HTT: variants seen among roughly 807,000 people sequenced by gnomAD.
HTT encodes huntington disease protein.
Under a neutral mutation model 362.3 loss-of-function variants are expected in HTT, and 104 were observed. The ratio of observed to expected loss-of-function variants is 0.29; its 90% CI spans 0.24 to 0.34. HTT has a LOEUF of 0.34. Ranked by LOEUF, HTT falls within the 10% of genes least tolerant of loss-of-function variation. HTT has a pLI of 1.00. For synonymous variants in HTT, 1,577 were observed against 1,548.7 expected, an observed-to-expected ratio of 1.02 and a Z score of -0.43; for missense variants, 3,301 against 3,928.6, an observed-to-expected ratio of 0.84 and a Z score of 4.27.
intron 48 of HTT, 138 bp downstream of exon 48, chr4:3,212,280 C>A: frequency 1.4e-6 from 1 of 733,656 alleles, no homozygotes; most frequent in Non-Finnish European, 2.2e-6. Context: ...AAGAGCAGCA[C>A]GGGTGTCCTC....
At position 3,178,156 on chromosome 4, in the gene HTT, TG is replaced by T. The variant is rs565454320; in HGVS notation, c.4464-138del. The T allele has an allele frequency of 1.8e-3, 1,167 of 633,138 alleles. 2 individuals carry two copies. Among genetic ancestry groups the T allele is most frequent in the Middle Eastern group, 6.9e-3 (16 of 2,326 alleles). 39.2% of individuals were successfully genotyped at this position (633,138 alleles called of 1,614,324 possible). ...CAGATGGGATGCACTGTGGCAGGGG[TG>T]GGGTTAGAGTAGATCACGGACACCT... On this transcript the variant is annotated intron_variant, in intron 34 of 66. Transcript: ENST00000355072.
chr4:3,106,522 G>T (rs1714433558), intron 5 of HTT, among the ~76,000 whole-genome samples: 3 of 152,316 alleles, frequency 2.0e-5, no homozygotes, highest in African/African-American at 7.2e-5. Context: ...TGACCTTAAA[G>T]AATATAACTG....
intron 9 of HTT, chr4:3,121,661 G>T: frequency 3.9e-6 from 1 of 254,894 alleles, no homozygotes; most frequent in Non-Finnish European, 7.4e-6. Context: ...CCAGGAGTTT[G>T]AGACAACCTG....
At chr4:3,136,431 G>T in intron 21 of HTT, 105 bp downstream of exon 21, 1 of 500,064 alleles carries the variant, frequency 2.0e-6, no homozygotes. Flanking sequence ...CAGTATTCCT[G>T]AATCTGAGCT....
At chr4:3,154,257 GT>G (rs761163751) in intron 26 of HTT, 35 bp from the exon 27 acceptor site, 8 of 1,493,950 alleles carry the variant, frequency 5.4e-6, no homozygotes, top group South Asian at 1.3e-5. Flanking sequence ...ACATGTTTTT[GT>G]TTTTTTGTTT....
chr4:3,201,557 A>T (rs971835354), intron 41 of HTT, among the ~76,000 whole-genome samples: 1 of 151,396 alleles, frequency 6.6e-6, no homozygotes, highest in Non-Finnish European at 1.5e-5. Context: ...AAAAAAATTA[A>T]TGGATCAATG....
At chr4:3,234,730 G>A (rs1180628513) in intron 61 of HTT, among the ~76,000 whole-genome samples, 5 of 152,200 alleles carry the variant, frequency 3.3e-5, no homozygotes, top group African/African-American at 9.6e-5. Context: ...GTGGGACCAC[G>A]TGGTGACAGA....
intron 2 of HTT, among the ~76,000 whole-genome samples, chr4:3,090,930 G>C (rs189098979): frequency 6.6e-6 from 1 of 152,280 alleles, no homozygotes; most frequent in Non-Finnish European, 1.5e-5. Context: ...GGACCAGTGC[G>C]GTGAAACACT....
At chr4:3,166,588 C>T (rs1717718951) in intron 29 of HTT, among the ~76,000 whole-genome samples, 2 of 152,252 alleles carry the variant, frequency 1.3e-5, no homozygotes, top group South Asian at 4.1e-4. Flanking sequence ...GTTCGAGCTT[C>T]CCTGCTGCTT....
chr4:3,129,526 T>G (rs969286213), intron 12 of HTT: 9 of 175,004 alleles, frequency 5.1e-5, no homozygotes, highest in Non-Finnish European at 1.1e-4. Context: ...ATTTAGTAGA[T>G]TTAGTCTTTG....
At chr4:3,136,165 C>G (rs1282779547) in intron 20 of HTT, 61 bp from the exon 21 acceptor site, 5 of 1,207,694 alleles carry the variant, frequency 4.1e-6, no homozygotes, top group Non-Finnish European at 6.1e-6. Flanking sequence ...TCCAAAATAT[C>G]TTACCTAAAA....
In HTT at chr4:3,189,624, A is replaced by G. The variant is rs2110250583; in HGVS notation, c.5368+531A>G. On this transcript the variant is annotated intron_variant, in intron 40 of 66. Transcript: ENST00000355072. ...TGGTGGTTGCCAGGGGCTGCAGGGG[A>G]GGGGAGTTATTTTTACAAGATGAAG... 3.3e-5 allele frequency among the ~76,000 whole-genome samples: 5 copies of G among 152,244 alleles called. 1 individual carries two copies. In the Middle Eastern group the frequency reaches 0.014, roughly 414 times the overall value.
chr4:3,239,086 GC>G, intron 66 of HTT, 108 bp downstream of exon 66: 1 of 1,187,864 alleles, frequency 8.4e-7, no homozygotes, highest in Non-Finnish European at 1.2e-6. Flanking sequence ...CCCCACAGAT[GC>G]CAGGGTGACA....
intron 29 of HTT, among the ~76,000 whole-genome samples, chr4:3,168,891 T>C (rs968464761): frequency 2.0e-5 from 3 of 152,192 alleles, no homozygotes; most frequent in East Asian, 3.8e-4. Context: ...GGTGATTTGA[T>C]AATGATATGC....
chr4:3,215,018 C>G, intron 50 of HTT, 92 bp from the exon 51 acceptor site: 1 of 1,074,318 alleles, frequency 9.3e-7, no homozygotes, highest in Non-Finnish European at 1.4e-6. Context: ...TCCCTTTCAA[C>G]TTTTGTGAGG....
Position 3,155,461 on chromosome 4 carries a change from G to A in HTT, c.3625+1042G>A, listed in dbSNP as rs553759844. 9.9e-5 allele frequency among the ~76,000 whole-genome samples: 15 copies of A among 151,420 alleles called. 1 individual carries two copies. In the South Asian group the frequency reaches 1.7e-3, roughly 17 times the overall value. On this transcript the variant is annotated intron_variant, in intron 27 of 66. Coordinates refer to ENST00000355072, the MANE Select transcript of HTT (RefSeq NM_001388492.1). ...AGGATGGTCTTGATCTCCTGACCTC[G>A]TGATCCGTCCACCTCAGCCTCTCAA...
rs886664057 is a variant in HTT at position 3,222,530 on chromosome 4, G to A, written c.7470+43G>A. On this transcript the variant is annotated intron_variant, in intron 54 of 66. Transcript: ENST00000355072. ...GCTGGTTGGCACATGGGCAGTTATG[G>A]CCGCTTGCAGGCCTTTGGTGGGGAA... 3.5e-6 allele frequency: 5 copies of A among 1,423,044 alleles called. No individual in the cohort carries two copies. In the African/African-American group the frequency reaches 7.0e-5, roughly 20 times the overall value. The allele number at this position is 1,423,044 out of a possible 1,614,324, so 88.2% of individuals were successfully genotyped here. A position where few individuals can be genotyped will look rare whatever the true frequency, so the allele number is the denominator to read the frequency against.
intron 54 of HTT, 110 bp from the exon 55 acceptor site, chr4:3,223,296 A>C (rs577698344): frequency 3.7e-6 from 4 of 1,083,956 alleles, no homozygotes; most frequent in Admixed American, 5.5e-5. Context: ...CTTTGGTAGC[A>C]CTTAAGGCTC....
At chr4:3,193,042 G>A (rs565171399) in intron 40 of HTT, among the ~76,000 whole-genome samples, 1 of 152,372 alleles carries the variant, frequency 6.6e-6, no homozygotes, top group South Asian at 2.1e-4. Context: ...ATTTCTGAGG[G>A]AGAGAAGTAG....
Sources: allele counts gnomAD v4.1 joint callset (sites outside exome capture counted in the v4.1 genomes callset), GRCh38; gene constraint gnomAD v4.1.1; transcripts MANE v1.5; gene names NCBI Gene and HGNC (gene_info 2026-07-23, HGNC 2026-07-21).